CAMTA1: variants seen among roughly 807,000 people sequenced by gnomAD.
CAMTA1 encodes the protein calmodulin-binding transcription activator 1.
In CAMTA1, 27 loss-of-function variants were observed where a neutral mutation model predicts 170.9. That is an observed-to-expected ratio of 0.16 (90% confidence interval 0.12 to 0.22). The LOEUF is 0.22. CAMTA1 is among the 10% of genes least tolerant of loss of function. The pLI is 1.00. For synonymous variants in CAMTA1, 833 were observed against 891.5 expected, an observed-to-expected ratio of 0.93 and a Z score of 1.17; for missense variants, 1,619 against 2,217.2, an observed-to-expected ratio of 0.73 and a Z score of 5.42.
chr1:7,386,536 G>A (rs1219647050), intron 5 of CAMTA1, among the ~76,000 whole-genome samples: 1 of 152,150 alleles, frequency 6.6e-6, no homozygotes, highest in African/African-American at 2.4e-5. Context: ...GATGTTCTTG[G>A]CCTTCTCTCT....
At chr1:7,450,094 T>C (rs1420814439) in intron 5 of CAMTA1, among the ~76,000 whole-genome samples, 1 of 152,092 alleles carries the variant, frequency 6.6e-6, no homozygotes, top group Non-Finnish European at 1.5e-5. Context: ...GCGGCCCCCT[T>C]GGGGACTGCA....
Position 6,830,968 on chromosome 1 carries a change from G to A in CAMTA1, c.234+5758G>A, listed in dbSNP as rs536918564. ...TGAGTAGCTGGGACTACAGGCACCC[G>A]TCACCACGCCCAGCCAATTTTTTGT... On this transcript the variant is annotated intron_variant, in intron 3 of 22. Coordinates refer to ENST00000303635, the MANE Select transcript of CAMTA1 (RefSeq NM_015215.4). 1.1e-4 allele frequency among the ~76,000 whole-genome samples: 17 copies of A among 151,980 alleles called. No homozygotes were observed. In the South Asian group the frequency reaches 3.5e-3, roughly 32 times the overall value.
chr1:7,545,988 C>T (rs1376454842), intron 6 of CAMTA1, among the ~76,000 whole-genome samples: 1 of 149,254 alleles, frequency 6.7e-6, no homozygotes, highest in African/African-American at 2.5e-5. Context: ...CGGAGTCTCG[C>T]TCTGTCGCCC....
Position 7,745,989 on chromosome 1 carries a change from G to A in CAMTA1, c.4515G>A (p.Glu1505=). Residue 1505 remains glutamate (E), a synonymous_variant, in exon 18 of 23, where the codon GAG becomes GAA. Coordinates refer to ENST00000303635, the MANE Select transcript of CAMTA1 (RefSeq NM_015215.4). ...AATTCCTGAGTGCATCTACCAGTGA[G>A]AAGGTAGAGAATGAGTTTGCTCAGC... is the stretch of plus-strand genomic sequence containing the variant. ...WSEFLSASTS[E]KVENEFAQLT... 1 of 1,614,202 alleles carries A rather than the reference G, an allele frequency of 6.2e-7. No individual in the cohort carries two copies. The highest frequency in any genetic ancestry group is 8.5e-7 in the Non-Finnish European group (1 of 1,180,026).
At chr1:7,515,083 C>T (rs1054048186) in intron 6 of CAMTA1, among the ~76,000 whole-genome samples, 1 of 151,244 alleles carries the variant, frequency 6.6e-6, no homozygotes, top group Non-Finnish European at 1.5e-5. Flanking sequence ...TGGTCCTCCC[C>T]GGCTCCCTCC....
At chr1:7,582,092 C>T (rs181541690) in intron 6 of CAMTA1, among the ~76,000 whole-genome samples, 34 of 152,302 alleles carry the variant, frequency 2.2e-4, no homozygotes, top group African/African-American at 6.3e-4. Flanking sequence ...TCACATCACG[C>T]GTAGGCCAGC....
intron 4 of CAMTA1, among the ~76,000 whole-genome samples, chr1:7,100,111 C>T (rs540853391): frequency 1.2e-3 from 179 of 152,298 alleles, no homozygotes; most frequent in Middle Eastern, 3.4e-3. Context: ...GCTTCCAATT[C>T]ACGAGTCTTC....
At chr1:6,791,923 T>A (rs1641209248) in intron 1 of CAMTA1, among the ~76,000 whole-genome samples, 1 of 152,092 alleles carries the variant, frequency 6.6e-6, no homozygotes, top group East Asian at 1.9e-4. Context: ...AACATATAGA[T>A]GGTCTCCCAT....
intron 6 of CAMTA1, among the ~76,000 whole-genome samples, chr1:7,545,015 A>C (rs2094671625): frequency 6.6e-6 from 1 of 152,176 alleles, no homozygotes. Context: ...AAATTTCAGC[A>C]TGGGTTTCGG....
rs979916681 is a variant in CAMTA1, at chr1:7,093,929, G to A, written c.302+2558G>A. On this transcript the variant is annotated intron_variant, in intron 4 of 22. Transcript: ENST00000303635. The surrounding 1 kb of genome is among the most constrained non-coding windows in gnomAD (Gnocchi z 4.6). The stretch of plus-strand genomic sequence containing the variant: ...GTTGATCCCACCCTTGCTGGGTCAC[G>A]ATGAGGATTGAATGTGGTCACGTTT... 6.6e-6 allele frequency among the ~76,000 whole-genome samples: 1 copy of A among 152,178 alleles called. No homozygotes were observed. The highest frequency in any genetic ancestry group is 1.5e-5 in the Non-Finnish European group (1 of 68,040).
intron 6 of CAMTA1, among the ~76,000 whole-genome samples, chr1:7,628,032 A>T (rs1458266711): frequency 6.6e-6 from 1 of 152,138 alleles, no homozygotes; most frequent in East Asian, 1.9e-4. Flanking sequence ...AAAAAACTCG[A>T]CTTGAACTGA....
intron 3 of CAMTA1, among the ~76,000 whole-genome samples, chr1:6,997,626 G>T (rs184037119): frequency 6.8e-6 from 1 of 147,988 alleles, no homozygotes; most frequent in Non-Finnish European, 1.5e-5. Flanking sequence ...TTGACAGGTC[G>T]TCTTCTGTTT....
chr1:6,788,043 A>G (rs114295005), intron 1 of CAMTA1, among the ~76,000 whole-genome samples: 1,674 of 152,294 alleles, frequency 0.011, 24 homozygotes, highest in African/African-American at 0.038. Context: ...ACCTGTGGAA[A>G]GGCCCTCGAC....
chr1:7,001,953 A>G (rs1234526815), intron 3 of CAMTA1, among the ~76,000 whole-genome samples: 10 of 146,108 alleles, frequency 6.8e-5, no homozygotes, highest in African/African-American at 2.1e-4. Flanking sequence ...CTGGAGTGCA[A>G]TGGCGCTATC....
intron 4 of CAMTA1, among the ~76,000 whole-genome samples, chr1:7,206,064 C>T (rs1238629893): frequency 6.6e-6 from 1 of 152,200 alleles, no homozygotes; most frequent in Non-Finnish European, 1.5e-5. Flanking sequence ...ACTTCTCTGT[C>T]AACTCATACA....
rs541101201 is a variant in CAMTA1, at chr1:7,275,474, A to G, written c.438+25848A>G. 1.2e-4 allele frequency among the ~76,000 whole-genome samples: 18 copies of G among 152,174 alleles called. No individual in the cohort carries two copies. The South Asian group carries it at 3.5e-3, about 30-fold the overall frequency. On this transcript the variant is annotated intron_variant, in intron 5 of 22. Transcript: ENST00000303635. Reference sequence around the variant, plus strand: ...AATAGAAAACATTAATAAAACAAAAAGCTATCTCTCTTCAAAGATCAATAA... The same window carrying G: ...AATAGAAAACATTAATAAAACAAAAGGCTATCTCTCTTCAAAGATCAATAA...
intron 5 of CAMTA1, among the ~76,000 whole-genome samples, chr1:7,427,805 C>T (rs1427322769): frequency 6.6e-6 from 1 of 152,210 alleles, no homozygotes; most frequent in African/African-American, 2.4e-5. Flanking sequence ...GAGTGGGTTA[C>T]CCCTGAGCAC....
intron 1 of CAMTA1, among the ~76,000 whole-genome samples, chr1:6,796,838 G>A (rs1268323562): frequency 6.6e-6 from 1 of 152,110 alleles, no homozygotes; most frequent in Non-Finnish European, 1.5e-5. Flanking sequence ...CTAAGCCTCC[G>A]GCCCATAGTA....
intron 6 of CAMTA1, among the ~76,000 whole-genome samples, chr1:7,579,552 C>CTTTTCTT (rs2095238867): frequency 1.3e-5 from 1 of 79,194 alleles, no homozygotes; most frequent in East Asian, 3.5e-4. Context: ...CTTTTCTTTT[C>CTTTTCTT]TTTTTTTTTT....
Sources: allele counts gnomAD v4.1 joint callset (sites outside exome capture counted in the v4.1 genomes callset), GRCh38; gene constraint gnomAD v4.1.1; non-coding constraint Gnocchi (gnomAD v3.1); transcripts MANE v1.5; gene names NCBI Gene and HGNC (gene_info 2026-07-23, HGNC 2026-07-21).